Variants in EPB41 observed in about 807,000 individuals in gnomAD.
EPB41 encodes the protein protein 4.1.
EPB41 carries 65 observed loss-of-function variants against 108.0 expected under a neutral mutation model. That is an observed-to-expected ratio of 0.60 (90% CI 0.49 to 0.74). EPB41 has a LOEUF of 0.74. Among genes scored for constraint, EPB41 ranks in the 30% least tolerant of loss-of-function variants. The probability of loss-of-function intolerance (pLI) is 0.00; values close to 1 mark genes in which losing one functional copy is unlikely to be tolerated. For missense variants in EPB41, 875 were observed against 1,037.0 expected, an observed-to-expected ratio of 0.84 and a Z score of 2.15; for synonymous variants, 336 against 358.9, an observed-to-expected ratio of 0.94 and a Z score of 0.72.
intron 12 of EPB41, among the ~76,000 whole-genome samples, chr1:29,056,401 GC>G (rs1645456977): frequency 6.6e-6 from 1 of 152,150 alleles, no homozygotes; most frequent in South Asian, 2.1e-4. Flanking sequence ...GATAGAGATA[GC>G]TTTTTGTTGG....
At chr1:29,066,922 G>A (rs1218571483) in intron 16 of EPB41, among the ~76,000 whole-genome samples, 9 of 150,728 alleles carry the variant, frequency 6.0e-5, no homozygotes, top group African/African-American at 2.2e-4. Flanking sequence ...TGATCCACCC[G>A]CCTCAGCCTC....
chr1:29,019,158 G>A (rs1399339986), intron 7 of EPB41, among the ~76,000 whole-genome samples: 1 of 152,154 alleles, frequency 6.6e-6, no homozygotes, highest in Admixed American at 6.5e-5. Flanking sequence ...GCTCGCACCT[G>A]AAATCCTAGC....
intron 4 of EPB41, among the ~76,000 whole-genome samples, chr1:29,001,899 G>A (rs183630839): frequency 3.5e-4 from 53 of 152,210 alleles, no homozygotes; most frequent in African/African-American, 1.3e-3. Context: ...TTACCAGACT[G>A]ATTTCCTAAA....
chr1:29,088,049 T>C (rs1024676373), intron 16 of EPB41, among the ~76,000 whole-genome samples: 7 of 147,426 alleles, frequency 4.7e-5, no homozygotes, highest in Non-Finnish European at 1.1e-4. Context: ...TTTTTTCTTT[T>C]TTTCTTTTTT....
In EPB41 at chr1:29,053,420, A is replaced by G. The variant is rs749851688; in HGVS notation, c.1845+108A>G. 1.5e-5 allele frequency: 17 copies of G among 1,137,606 alleles called. No individual in the cohort carries two copies. The East Asian group carries it at 2.0e-4, about 14-fold the overall frequency. The allele number at this position is 1,137,606 out of a possible 1,614,324, so 70.5% of individuals were successfully genotyped here. A position where few individuals can be genotyped will look rare whatever the true frequency, so the allele number is the denominator to read the frequency against. ...AATTGCTTATTCTCATAGACTCAAC[A>G]AAGTTATTCTTCATTCTTTCTAAAT... is the stretch of plus-strand genomic sequence containing the variant. On this transcript the variant is annotated intron_variant, in intron 12 of 20. Coordinates refer to ENST00000343067, the MANE Select transcript of EPB41 (RefSeq NM_001376013.1).
chr1:28,974,375 G>T (rs1223259152), intron 1 of EPB41, among the ~76,000 whole-genome samples: 1 of 152,164 alleles, frequency 6.6e-6, no homozygotes, highest in Non-Finnish European at 1.5e-5. Context: ...GTTGGGGCAT[G>T]TTCTGTCAAG....
chr1:28,910,642 C>T (rs1336044100), upstream of EPB41, among the ~76,000 whole-genome samples: 1 of 152,172 alleles, frequency 6.6e-6, no homozygotes, highest in Non-Finnish European at 1.5e-5. Context: ...CACTGGTCAC[C>T]ACCTAATTTC....
chr1:29,070,819 C>A, intron 16 of EPB41: 1 of 708,192 alleles, frequency 1.4e-6, no homozygotes, highest in Non-Finnish European at 2.0e-6. Flanking sequence ...CTGCCCAAAG[C>A]CAGCTTTTCT....
Position 28,887,215 on chromosome 1 carries a change from G to A in EPB41, c.-8+5G>A. On this transcript the variant is annotated splice_donor_5th_base_variant and intron_variant, in intron 1 of 16. Coordinates refer to the EPB41 transcript ENST00000347529. This position sits in a 1 kb window ranked among gnomAD's most constrained non-coding sequence, Gnocchi z 4.9. ...TCCCCGCCGCACCCAGCCCAGGTGA[G>A]CCTGGACCACCTGGGGGGCGACCCT... The A allele has an allele frequency of 7.8e-7, 1 of 1,277,878 alleles. No individual in the cohort carries two copies. 79.2% of individuals were successfully genotyped at this position (1,277,878 alleles called of 1,614,324 possible).
chr1:28,981,841 G>T (rs1185783257), intron 1 of EPB41, among the ~76,000 whole-genome samples: 1 of 147,786 alleles, frequency 6.8e-6, no homozygotes, highest in East Asian at 2.0e-4. Flanking sequence ...GCCCATCATG[G>T]TTTTTTTTTC....
intron 15 of EPB41, among the ~76,000 whole-genome samples, chr1:29,061,614 G>A (rs1173729324): frequency 8.6e-6 from 1 of 116,738 alleles, no homozygotes; most frequent in African/African-American, 3.2e-5. Context: ...GGGTCTCACA[G>A]TGTTACCCAG....
intron 19 of EPB41, among the ~76,000 whole-genome samples, chr1:29,114,636 T>TAAA (rs62666661): frequency 1.3e-5 from 1 of 77,740 alleles, no homozygotes; most frequent in Non-Finnish European, 2.6e-5. Flanking sequence ...AGACTCCGTC[T>TAAA]AAAAAAAAAA....
At chr1:28,943,426 G>T (rs1197365033) in intron 1 of EPB41, among the ~76,000 whole-genome samples, 1 of 152,190 alleles carries the variant, frequency 6.6e-6, no homozygotes, top group Non-Finnish European at 1.5e-5. Context: ...GCTGAGGTGG[G>T]TGGATCACCT....
intron 1 of EPB41, among the ~76,000 whole-genome samples, chr1:28,900,259 CTG>C (rs1230741873): frequency 6.6e-6 from 1 of 151,414 alleles, no homozygotes; most frequent in Non-Finnish European, 1.5e-5. Flanking sequence ...CCTATTCTAG[CTG>C]TGTGATGTGG....
intron 1 of EPB41, among the ~76,000 whole-genome samples, chr1:28,903,488 C>T (rs1033707972): frequency 6.6e-6 from 1 of 151,826 alleles, no homozygotes; most frequent in Non-Finnish European, 1.5e-5. Flanking sequence ...CCACACCCGG[C>T]TAATTTTTAT....
chr1:29,024,650 A>C (rs2096695899), intron 7 of EPB41, among the ~76,000 whole-genome samples: 1 of 151,438 alleles, frequency 6.6e-6, no homozygotes, highest in Admixed American at 6.6e-5. Flanking sequence ...AATAAATAAA[A>C]AATATAAATA....
intron 16 of EPB41, among the ~76,000 whole-genome samples, chr1:29,074,895 A>C (rs1160745761): frequency 6.6e-6 from 1 of 152,248 alleles, no homozygotes; most frequent in African/African-American, 2.4e-5. Context: ...GCGGTGGCTC[A>C]CGCCTATAAT....
At chr1:29,054,721 A>G (rs952519395) in intron 12 of EPB41, among the ~76,000 whole-genome samples, 1 of 152,126 alleles carries the variant, frequency 6.6e-6, no homozygotes, top group African/African-American at 2.4e-5. Flanking sequence ...ATGGTGACGC[A>G]CATCTGTAGT....
rs1491193201 is a variant in EPB41, at chr1:28,935,468, C to CACA, written c.-8+20700_-8+20701insACA. ...ACACACACACACACACACACACACA[C>CACA]CCCCCCCCCCCCAAGATCTACGCAC... is the stretch of plus-strand genomic sequence containing the variant. On this transcript the variant is annotated intron_variant, in intron 1 of 20. Coordinates refer to ENST00000343067, the MANE Select transcript of EPB41 (RefSeq NM_001376013.1). Among the ~76,000 whole-genome samples, 364 of 42,254 alleles carry CACA rather than the reference C, an allele frequency of 8.6e-3. 26 individuals are homozygous for CACA. Among genetic ancestry groups the CACA allele is most frequent in the African/African-American group, 0.024 (315 of 13,156 alleles). The allele number at this position is 42,254 out of a possible 152,430, so 27.7% of individuals were successfully genotyped here.
Sources: allele counts gnomAD v4.1 joint callset (sites outside exome capture counted in the v4.1 genomes callset), GRCh38; gene constraint gnomAD v4.1.1; non-coding constraint Gnocchi (gnomAD v3.1); transcripts MANE v1.5; gene names NCBI Gene and HGNC (gene_info 2026-07-23, HGNC 2026-07-21).